RPH3AL: variants seen among roughly 807,000 people sequenced by gnomAD.
The protein encoded by RPH3AL is rabphilin 3A like (without C2 domains), also known as rab effector Noc2.
Under a neutral mutation model 43.1 loss-of-function variants are expected in RPH3AL, and 38 were observed. The observed-to-expected ratio is 0.88, with a 90% confidence interval of 0.68 to 1.15. The LOEUF is 1.15. Ranked by LOEUF, RPH3AL falls within the 50% of genes most tolerant of loss-of-function variation. The pLI is 0.00. For synonymous variants in RPH3AL, 189 were observed against 176.3 expected (o/e 1.07, Z -0.57); for missense variants, 462 against 423.2 (o/e 1.09, Z -0.81).
Position 245,087 on chromosome 17 carries a change from G to A in RPH3AL, c.613+2024C>T, listed in dbSNP as rs1486323544. Reference sequence around the variant, plus strand: ...TGTGTGCATAAATGTGCATGCGCAAGTGTGTGTAGACGTGTGTGTACATGT... The same window carrying A: ...TGTGTGCATAAATGTGCATGCGCAAATGTGTGTAGACGTGTGTGTACATGT... On this transcript the variant is annotated intron_variant, in intron 7 of 9. Transcript: ENST00000331302. This position sits in a 1 kb window ranked among gnomAD's most constrained non-coding sequence, Gnocchi z 5.9. 6.6e-6 allele frequency among the ~76,000 whole-genome samples: 1 copy of A among 151,494 alleles called. No homozygotes were observed. Among genetic ancestry groups the A allele is most frequent in the African/African-American group, 2.4e-5 (1 of 41,220 alleles).
At chr17:326,299 C>T (rs193214457) in intron 3 of RPH3AL, among the ~76,000 whole-genome samples, 1 of 152,252 alleles carries the variant, frequency 6.6e-6, no homozygotes, top group Non-Finnish European at 1.5e-5. Flanking sequence ...TTTCCATCCC[C>T]CTTTGATGTT....
chr17:263,073 A>G (rs1410010205), intron 6 of RPH3AL, among the ~76,000 whole-genome samples: 1 of 152,180 alleles, frequency 6.6e-6, no homozygotes, highest in Non-Finnish European at 1.5e-5. Flanking sequence ...GGCACAAATC[A>G]TAAAGCATGG....
intron 7 of RPH3AL, among the ~76,000 whole-genome samples, chr17:241,851 C>T (rs911737763): frequency 3.3e-5 from 5 of 151,440 alleles, no homozygotes; most frequent in Non-Finnish European, 5.9e-5. Context: ...CATGGTGGCT[C>T]ATGCTGGTAA....
rs111745556 is a variant in RPH3AL, at chr17:321,499, G to A, written c.78-84C>T. ...CCTACCACATCCACCAAGCCCCCCC[G>A]AGAACAGTCAGTGGACGGCCCAGGT... On this transcript the variant is annotated intron_variant, in intron 3 of 9. Transcript: ENST00000331302. The A allele has an allele frequency of 3.8e-3, 5,411 of 1,420,544 alleles. 142 individuals are homozygous for A. The African/African-American group carries it at 0.066, about 17-fold the overall frequency. 88.0% of individuals were successfully genotyped at this position (1,420,544 alleles called of 1,614,324 possible). A position where few individuals can be genotyped will look rare whatever the true frequency, so the allele number is the denominator to read the frequency against.
chr17:219,150 A>C (rs1037069220), intron 8 of RPH3AL, among the ~76,000 whole-genome samples: 2 of 150,402 alleles, frequency 1.3e-5, no homozygotes, highest in Non-Finnish European at 2.9e-5. Flanking sequence ...ACTGGGAAGC[A>C]GCAAAACCAC....
chr17:320,958 T>G (rs1221318411), intron 4 of RPH3AL, among the ~76,000 whole-genome samples: 1 of 152,182 alleles, frequency 6.6e-6, no homozygotes, highest in Non-Finnish European at 1.5e-5. Flanking sequence ...GAACCACAGC[T>G]GACCTGCAGG....
At chr17:314,436 GCCCCCACCTCCAT>G (rs2043784485) in intron 5 of RPH3AL, among the ~76,000 whole-genome samples, 8 of 113,934 alleles carry the variant, frequency 7.0e-5, no homozygotes, top group South Asian at 2.7e-4. Context: ...TAGTCCCTCT[GCCCCCACCTCCAT>G]TGACCTGTAG....
chr17:241,711 C>CTTTTTTTTTTTTTTTTTTTTTT (rs1001979455), intron 7 of RPH3AL, among the ~76,000 whole-genome samples: 3 of 92,766 alleles, frequency 3.2e-5, no homozygotes, highest in Non-Finnish European at 6.7e-5. Flanking sequence ...GTTTCTTTTT[C>CTTTTTTTTTTTTTTTTTTTTTT]TTTTTTTTTC....
chr17:325,050 G>A (rs2044587020), intron 3 of RPH3AL, among the ~76,000 whole-genome samples: 2 of 151,996 alleles, frequency 1.3e-5, no homozygotes, highest in South Asian at 2.1e-4. Context: ...GGAGAGACAG[G>A]GTTTCACCGC....
rs559618893 is a variant in RPH3AL, at chr17:306,906, G to A, written c.351+12514C>T. On this transcript the variant is annotated intron_variant, in intron 5 of 9. Transcript: ENST00000331302. ...CCAGCATAACCAGACTCCCAGCTGC[G>A]CCCGATGCCCCCACACTTCCTGGGC... Among the ~76,000 whole-genome samples the A allele has an allele frequency of 7.7e-4, 117 of 151,520 alleles. 1 individual carries two copies. Among genetic ancestry groups the A allele is most frequent in the Admixed American group, 1.5e-3 (23 of 15,208 alleles).
At chr17:315,508 C>G in intron 5 of RPH3AL, among the ~76,000 whole-genome samples, 1 of 152,160 alleles carries the variant, frequency 6.6e-6, no homozygotes, top group African/African-American at 2.4e-5. Flanking sequence ...TGTGACTCCA[C>G]CTCCATTGAC....
At chr17:271,702 T>C (rs1234254217) in intron 6 of RPH3AL, among the ~76,000 whole-genome samples, 1 of 152,214 alleles carries the variant, frequency 6.6e-6, no homozygotes, top group Admixed American at 6.5e-5. Flanking sequence ...TATACAATCA[T>C]GTCATCTGCA....
intron 6 of RPH3AL, among the ~76,000 whole-genome samples, chr17:272,448 C>A (rs1001478718): frequency 1.3e-5 from 2 of 151,702 alleles, no homozygotes; most frequent in Non-Finnish European, 2.9e-5. Context: ...AGTTCATGTC[C>A]TTTGTAGGGA....
chr17:267,647 A>G (rs2042354303), intron 6 of RPH3AL, among the ~76,000 whole-genome samples: 1 of 152,194 alleles, frequency 6.6e-6, no homozygotes, highest in African/African-American at 2.4e-5. Context: ...GTATTTGATT[A>G]GTGGCTCATT....
rs2044504864 is a variant in RPH3AL at position 322,310 on chromosome 17, G to A, written c.78-895C>T. ...AAACCCCGGAGCCCCTGCCCTGGGT[G>A]GGTGCCAGCTTCCCTGAGACATTCC... is the stretch of plus-strand genomic sequence containing the variant. On this transcript the variant is annotated intron_variant, in intron 3 of 9. Coordinates refer to ENST00000331302, the MANE Select transcript of RPH3AL (RefSeq NM_006987.4). This position sits in a 1 kb window ranked among gnomAD's most constrained non-coding sequence, Gnocchi z 4.0. 6.6e-6 allele frequency: 1 copy of A among 152,318 alleles called. No homozygotes were observed. The allele number at this position is 152,318 out of a possible 1,614,324, so 9.4% of individuals were successfully genotyped here. A position where few individuals can be genotyped will look rare whatever the true frequency, so the allele number is the denominator to read the frequency against.
At chr17:314,856 C>A (rs1208069872) in intron 5 of RPH3AL, among the ~76,000 whole-genome samples, 23 of 151,242 alleles carry the variant, frequency 1.5e-4, no homozygotes, top group African/African-American at 5.1e-4. Context: ...GACCTGTAGT[C>A]CCTGTGCCCC....
At chr17:232,308 A>T (rs988082742) in intron 7 of RPH3AL, among the ~76,000 whole-genome samples, 1 of 152,104 alleles carries the variant, frequency 6.6e-6, no homozygotes, top group African/African-American at 2.4e-5. Context: ...TTGTTGGGGG[A>T]TGACACGAAA....
intron 1 of RPH3AL, among the ~76,000 whole-genome samples, chr17:347,582 C>CA (rs74220507): frequency 0.25 from 36,559 of 146,444 alleles, 4,756 homozygotes; most frequent in East Asian, 0.43. Context: ...AGACTCTGTT[C>CA]AAAAAAAAAA....
chr17:341,894 A>G (rs1248673990), intron 1 of RPH3AL, among the ~76,000 whole-genome samples: 1 of 152,170 alleles, frequency 6.6e-6, no homozygotes, highest in Non-Finnish European at 1.5e-5. Context: ...AACTTTGTCC[A>G]TCAAAGGACA....
Sources: gnomAD v4.1 joint callset for allele counts (sites outside exome capture counted in the v4.1 genomes callset) on GRCh38, gnomAD v4.1.1 for gene constraint, Gnocchi (gnomAD v3.1) non-coding constraint, MANE v1.5 for transcripts, NCBI Gene and HGNC (gene_info 2026-07-23, HGNC 2026-07-21) for gene names.